PTPRQ: variants seen among roughly 807,000 people sequenced by gnomAD.
PTPRQ encodes the protein protein tyrosine phosphatase receptor type Q.
A neutral mutation model predicts 246.0 loss-of-function variants in PTPRQ; 199 were observed. The observed-to-expected ratio is 0.81, with a 90% CI of 0.72 to 0.91. PTPRQ has a LOEUF of 0.91. Among genes scored for constraint, PTPRQ ranks in the 40% least tolerant of loss-of-function variants. The pLI, the probability that PTPRQ is intolerant of heterozygous loss-of-function variation, is 0.00. For missense variants in PTPRQ, 2,624 were observed against 2,528.4 expected, an observed-to-expected ratio of 1.04 and a Z score of -0.81; for synonymous variants, 869 against 853.2, an observed-to-expected ratio of 1.02 and a Z score of -0.32.
chr12:80,651,189 T>C (rs1172440988), intron 37 of PTPRQ, among the ~76,000 whole-genome samples: 1 of 152,044 alleles, frequency 6.6e-6, no homozygotes, highest in Non-Finnish European at 1.5e-5. Context: ...TATAAAATGA[T>C]TGAATATAAG....
chr12:80,550,546 C>T (rs1896443952), intron 25 of PTPRQ, among the ~76,000 whole-genome samples: 1 of 152,102 alleles, frequency 6.6e-6, no homozygotes, highest in Non-Finnish European at 1.5e-5. Context: ...TACGGTGTTT[C>T]CCTTTCCAGG....
chr12:80,655,374 T>C (rs1476004745), intron 38 of PTPRQ, among the ~76,000 whole-genome samples: 1 of 152,140 alleles, frequency 6.6e-6, no homozygotes, highest in African/African-American at 2.4e-5. Context: ...ACATTCAAAA[T>C]ATTAGTTCTT....
chr12:80,527,706 A>C (rs373282319), intron 17 of PTPRQ, among the ~76,000 whole-genome samples: 1 of 152,326 alleles, frequency 6.6e-6, no homozygotes, highest in East Asian at 1.9e-4. Flanking sequence ...ACTACAGATA[A>C]CTCAAAAATT....
chr12:80,679,225 T>G lies in PTPRQ; in HGVS notation c.*202T>G. On this transcript the variant is annotated 3_prime_UTR_variant, in exon 45 of 45. Coordinates refer to ENST00000644991, the MANE Select transcript of PTPRQ (RefSeq NM_001145026.2). ...GAATAATTATTTGTTTTGTACAGAA[T>G]AAATATTATGCATTTTAAATGCTTA... The G allele has an allele frequency of 2.0e-6, 1 of 503,500 alleles. No homozygotes were observed. Among genetic ancestry groups the G allele is most frequent in the Non-Finnish European group, 3.1e-6 (1 of 321,908 alleles). 31.2% of individuals were successfully genotyped at this position (503,500 alleles called of 1,614,324 possible). A position where few individuals can be genotyped will look rare whatever the true frequency, so the allele number is the denominator to read the frequency against.
chr12:80,560,844 C>A (rs1896802047), intron 25 of PTPRQ, among the ~76,000 whole-genome samples: 1 of 152,074 alleles, frequency 6.6e-6, no homozygotes, highest in African/African-American at 2.4e-5. Context: ...TTGTGATAAC[C>A]AAAAAGTTTT....
chr12:80,468,469 T>C (rs1172595068), intron 6 of PTPRQ, among the ~76,000 whole-genome samples: 2 of 152,154 alleles, frequency 1.3e-5, no homozygotes, highest in Non-Finnish European at 2.9e-5. Flanking sequence ...CGCAGTGCAA[T>C]AGTAAACAGT....
At chr12:80,448,612 A>G (rs573027303) in intron 3 of PTPRQ, among the ~76,000 whole-genome samples, 115 of 150,032 alleles carry the variant, frequency 7.7e-4, no homozygotes, top group African/African-American at 2.8e-3. Flanking sequence ...CCTATGAGTG[A>G]GAATATGCGG....
chr12:80,465,710 T>C (rs1005031267), intron 6 of PTPRQ, among the ~76,000 whole-genome samples: 8 of 151,818 alleles, frequency 5.3e-5, no homozygotes, highest in Admixed American at 2.6e-4. Flanking sequence ...TATACACAAA[T>C]CAATAAATGT....
At chr12:80,595,628 A>G (rs1035561981) in intron 26 of PTPRQ, among the ~76,000 whole-genome samples, 13 of 151,922 alleles carry the variant, frequency 8.6e-5, no homozygotes, top group Admixed American at 3.3e-4. Flanking sequence ...GGTTAGTTAC[A>G]TATGTATACA....
At chr12:80,492,367 T>C (rs368625321) in intron 9 of PTPRQ, among the ~76,000 whole-genome samples, 1 of 152,000 alleles carries the variant, frequency 6.6e-6, no homozygotes, top group East Asian at 1.9e-4. Flanking sequence ...ATTTCCTTGA[T>C]TATCTTCACA....
intron 14 of PTPRQ, among the ~76,000 whole-genome samples, chr12:80,503,857 G>C (rs1894875019): frequency 1.3e-5 from 2 of 151,330 alleles, no homozygotes; most frequent in African/African-American, 2.4e-5. Context: ...TTTTTAGTTT[G>C]CTACTCTTTA....
At chr12:80,534,523 T>C (rs1895932497) in intron 18 of PTPRQ, among the ~76,000 whole-genome samples, 1 of 152,082 alleles carries the variant, frequency 6.6e-6, no homozygotes, top group African/African-American at 2.4e-5. Flanking sequence ...GCATGAATCA[T>C]TTGTCTATGA....
chr12:80,592,670 T>G lies in PTPRQ; in HGVS notation c.4609+4218T>G, dbSNP rs957978599. On this transcript the variant is annotated intron_variant, in intron 26 of 44. Coordinates refer to ENST00000644991, the MANE Select transcript of PTPRQ (RefSeq NM_001145026.2). ...CCATGTTGCAAACTCAAAAAATAAT[T>G]TGGATGAAGAATATTAATAAGTTTT... 2.0e-5 allele frequency among the ~76,000 whole-genome samples: 3 copies of G among 152,064 alleles called. No individual in the cohort carries two copies. In the East Asian group the frequency reaches 5.8e-4, roughly 29 times the overall value.
At position 80,610,495 on chromosome 12, in the gene PTPRQ, C is replaced by A. The variant is rs1898508799; in HGVS notation, c.4788C>A (p.Thr1596=). The part of the protein sequence containing the change: ...SFIKSNEENK[T]IEIKDLEIFT... ...TCAAGTCAAATGAAGAAAATAAAAC[C>A]ATAGAAATTAAAGATTTAGAAATAT... The change falls in exon 28 of 45, where the codon ACC becomes ACA. Residue 1596 remains threonine (T), a synonymous_variant. Transcript: ENST00000644991. The A allele has an allele frequency of 3.3e-6, 5 of 1,525,632 alleles. No individual in the cohort carries two copies. The highest frequency in any genetic ancestry group is 5.0e-5 in the East Asian group (2 of 39,870). The allele number at this position is 1,525,632 out of a possible 1,614,324, so 94.5% of individuals were successfully genotyped here.
chr12:80,460,969 T>TATTTAATTTTA, intron 6 of PTPRQ, 67 bp downstream of exon 6: 1 of 397,160 alleles, frequency 2.5e-6, no homozygotes, highest in Non-Finnish European at 4.4e-6. Context: ...TTTATGTAGA[T>TATTTAATTTTA]ATTTAATTTT....
At chr12:80,525,874 A>C (rs901566828) in intron 17 of PTPRQ, 1 of 152,122 alleles carries the variant, frequency 6.6e-6, no homozygotes, top group Non-Finnish European at 1.5e-5. Flanking sequence ...TTCCCTTTCT[A>C]TAATTCTCAT....
chr12:80,677,092 G>C (rs1352662257), intron 43 of PTPRQ, among the ~76,000 whole-genome samples: 10 of 152,246 alleles, frequency 6.6e-5, no homozygotes, highest in African/African-American at 2.4e-4. Context: ...TGCTCTGCTG[G>C]CAAAGTTTAC....
chr12:80,652,031 G>A (rs1592760579), intron 37 of PTPRQ, among the ~76,000 whole-genome samples: 1 of 152,094 alleles, frequency 6.6e-6, no homozygotes, highest in East Asian at 1.9e-4. Flanking sequence ...AATTTGGCAA[G>A]TTGAGATTTC....
Position 80,620,350 on chromosome 12 carries a change from A to C in PTPRQ, c.5586A>C (p.Gly1862=). The C allele has an allele frequency of 6.5e-7, 1 of 1,549,132 alleles. No individual in the cohort carries two copies. Among genetic ancestry groups the C allele is most frequent in the African/African-American group, 1.4e-5 (1 of 72,920 alleles). ...IPGNEDKICN[G]PLKPKKQYLF... ...GCAATGAAGACAAAATTTGCAATGG[A>C]CCACTGAAACCAAAAAAGCAATACT... The change falls in exon 32 of 45, where the codon GGA becomes GGC. Residue 1862 remains glycine, a synonymous_variant. Transcript: ENST00000644991.
Sources: allele counts gnomAD v4.1 joint callset (sites outside exome capture counted in the v4.1 genomes callset), GRCh38; gene constraint gnomAD v4.1.1; transcripts MANE v1.5; gene names NCBI Gene and HGNC (gene_info 2026-07-23, HGNC 2026-07-21).